The following GALNTL6 variants were observed in gnomAD, a reference collection of about 807,000 sequenced individuals.
GALNTL6 encodes polypeptide N-acetylgalactosaminyltransferase like 6, also known as polypeptide N-acetylgalactosaminyltransferase-like 6.
GALNTL6 carries 46 observed loss-of-function variants against 73.7 expected under a neutral mutation model. The observed-to-expected ratio is 0.62, with a 90% CI of 0.49 to 0.80. The LOEUF is 0.80. Ranked by LOEUF, GALNTL6 falls within the 30% of genes least tolerant of loss-of-function variation. The pLI, the probability that GALNTL6 is intolerant of heterozygous loss-of-function variation, is 0.00. For missense variants in GALNTL6, 604 were observed against 755.0 expected, an observed-to-expected ratio of 0.80 and a Z score of 2.34; for synonymous variants, 259 against 263.7, an observed-to-expected ratio of 0.98 and a Z score of 0.17.
At chr4:171,909,947 C>A (rs1737424176) in intron 2 of GALNTL6, among the ~76,000 whole-genome samples, 1 of 152,002 alleles carries the variant, frequency 6.6e-6, no homozygotes, top group South Asian at 2.1e-4. Flanking sequence ...TTTTGAAATA[C>A]TGGCAATGGC....
intron 5 of GALNTL6, among the ~76,000 whole-genome samples, chr4:172,692,103 A>G (rs1212120793): frequency 1.3e-5 from 2 of 152,130 alleles, no homozygotes; most frequent in Non-Finnish European, 1.5e-5. Context: ...ATGTGCAGAA[A>G]AAAAGACCAA....
rs188849939 is a variant in GALNTL6 at position 172,358,325 on chromosome 4, T to A, written c.553+9636T>A. ...ACCAAACTAGAAAGGGTAGGAAAAA[T>A]AAGTCCCCCAATATAGAGAAAAGAC... On this transcript the variant is annotated intron_variant, in intron 5 of 12. Coordinates refer to ENST00000506823, the MANE Select transcript of GALNTL6 (RefSeq NM_001034845.3). 2.6e-5 allele frequency among the ~76,000 whole-genome samples: 4 copies of A among 152,270 alleles called. No homozygotes were observed. The East Asian group carries it at 7.7e-4, about 29-fold the overall frequency.
At chr4:171,825,118 T>C (rs954926151) in intron 2 of GALNTL6, among the ~76,000 whole-genome samples, 1 of 152,136 alleles carries the variant, frequency 6.6e-6, no homozygotes, top group African/African-American at 2.4e-5. Context: ...ATTAAATCAG[T>C]CTAGTTGCCA....
chr4:172,577,410 A>G (rs941618506), intron 5 of GALNTL6, among the ~76,000 whole-genome samples: 1 of 152,198 alleles, frequency 6.6e-6, no homozygotes, highest in Admixed American at 6.5e-5. Context: ...TGTTTTATAC[A>G]AATTTATTTA....
At chr4:172,811,247 G>A (rs1009952421) in intron 6 of GALNTL6, among the ~76,000 whole-genome samples, 1 of 152,126 alleles carries the variant, frequency 6.6e-6, no homozygotes, top group African/African-American at 2.4e-5. Context: ...TTGAAATGTA[G>A]GCACAAGCCT....
At chr4:172,038,016 G>A (rs1741982636) in intron 2 of GALNTL6, among the ~76,000 whole-genome samples, 1 of 152,006 alleles carries the variant, frequency 6.6e-6, no homozygotes, top group South Asian at 2.1e-4. Context: ...CTACTTGGGA[G>A]GCTGAGGCAG....
At chr4:171,905,327 A>G (rs1260625234) in intron 2 of GALNTL6, among the ~76,000 whole-genome samples, 1 of 151,694 alleles carries the variant, frequency 6.6e-6, no homozygotes, top group East Asian at 1.9e-4. Flanking sequence ...AAAACTAAAA[A>G]AGGCAGGGGT....
At chr4:171,913,633 A>G (rs1737534795) in intron 2 of GALNTL6, among the ~76,000 whole-genome samples, 1 of 152,212 alleles carries the variant, frequency 6.6e-6, no homozygotes, top group African/African-American at 2.4e-5. Flanking sequence ...CACATTACAG[A>G]AAAAGGATAG....
At chr4:172,999,187 C>T (rs1210475144) in intron 10 of GALNTL6, among the ~76,000 whole-genome samples, 1 of 152,134 alleles carries the variant, frequency 6.6e-6, no homozygotes, top group Non-Finnish European at 1.5e-5. Context: ...TGTGGTGTGG[C>T]TGTCATATAC....
intron 2 of GALNTL6, among the ~76,000 whole-genome samples, chr4:172,138,414 T>G (rs1408455039): frequency 1.5e-5 from 2 of 132,258 alleles, no homozygotes; most frequent in African/African-American, 5.6e-5. Context: ...CATTTTCCTT[T>G]TTTTTTGCCA....
intron 2 of GALNTL6, among the ~76,000 whole-genome samples, chr4:172,075,170 T>A (rs1731663840): frequency 6.6e-6 from 1 of 152,176 alleles, no homozygotes; most frequent in East Asian, 1.9e-4. Flanking sequence ...TTCATTTATT[T>A]TTTCTATGAC....
At chr4:172,708,172 T>C (rs1233612198) in intron 5 of GALNTL6, among the ~76,000 whole-genome samples, 1 of 152,178 alleles carries the variant, frequency 6.6e-6, no homozygotes, top group East Asian at 1.9e-4. Flanking sequence ...TGCCTCAGCC[T>C]CCCAAGTAGC....
At chr4:172,375,200 C>A (rs1361255285) in intron 5 of GALNTL6, among the ~76,000 whole-genome samples, 2 of 152,128 alleles carry the variant, frequency 1.3e-5, no homozygotes, top group Non-Finnish European at 2.9e-5. Context: ...TGTGTATTCT[C>A]CCTCAATGAA....
chr4:172,380,886 A>T (rs940308164), intron 5 of GALNTL6, among the ~76,000 whole-genome samples: 1 of 152,208 alleles, frequency 6.6e-6, no homozygotes, highest in African/African-American at 2.4e-5. Flanking sequence ...CAATAGAATG[A>T]TAATGAGAAT....
chr4:172,113,190 G>T (rs1298387233), intron 2 of GALNTL6, among the ~76,000 whole-genome samples: 1 of 151,878 alleles, frequency 6.6e-6, no homozygotes, highest in South Asian at 2.1e-4. Context: ...AGCAAGAAAG[G>T]TTTTATTTCA....
intron 5 of GALNTL6, among the ~76,000 whole-genome samples, chr4:172,430,460 A>G (rs1731403373): frequency 6.6e-6 from 1 of 152,164 alleles, no homozygotes; most frequent in Non-Finnish European, 1.5e-5. Context: ...TTCAGTAGTG[A>G]TATGATTCCC....
chr4:172,528,600 A>AT (rs1470917687), intron 5 of GALNTL6, among the ~76,000 whole-genome samples: 4 of 151,274 alleles, frequency 2.6e-5, no homozygotes, highest in Non-Finnish European at 4.4e-5. Context: ...CCACCTTGGC[A>AT]TCCCAAAGTC....
At chr4:172,362,828 C>A (rs1191540572) in intron 5 of GALNTL6, among the ~76,000 whole-genome samples, 1 of 152,174 alleles carries the variant, frequency 6.6e-6, no homozygotes, top group Non-Finnish European at 1.5e-5. Flanking sequence ...TTCCTCACAT[C>A]CCACATCCAG....
intron 5 of GALNTL6, among the ~76,000 whole-genome samples, chr4:172,547,828 C>A (rs338033): frequency 1.3e-5 from 2 of 152,072 alleles, no homozygotes; most frequent in African/African-American, 4.8e-5. Context: ...GTGTTTAAGC[C>A]AGCTGCCCAC....
Sources: allele counts gnomAD v4.1 joint callset (sites outside exome capture counted in the v4.1 genomes callset), GRCh38; gene constraint gnomAD v4.1.1; transcripts MANE v1.5; gene names NCBI Gene and HGNC (gene_info 2026-07-23, HGNC 2026-07-21).